GRID2: variants seen among roughly 807,000 people sequenced by gnomAD.
GRID2 encodes glutamate receptor ionotropic, delta-2.
In GRID2, 33 loss-of-function variants were observed where a neutral mutation model predicts 114.8. The observed-to-expected ratio is 0.29, with a 90% CI of 0.22 to 0.38. The LOEUF (loss-of-function observed/expected upper bound fraction) is 0.38, where lower values mean the gene tolerates loss of function less well. Among genes scored for constraint, GRID2 ranks in the 10% least tolerant of loss-of-function variants. GRID2 has a pLI of 1.00. For synonymous variants in GRID2, 505 were observed against 449.9 expected, an observed-to-expected ratio of 1.12 and a Z score of -1.55; for missense variants, 1,184 against 1,257.7, an observed-to-expected ratio of 0.94 and a Z score of 0.89.
At chr4:93,761,498 A>T (rs545396082) in intron 14 of GRID2, among the ~76,000 whole-genome samples, 50 of 152,328 alleles carry the variant, frequency 3.3e-4, no homozygotes, top group Non-Finnish European at 6.6e-4. Flanking sequence ...AGAGTTGAGT[A>T]GTTGTGATGG....
intron 14 of GRID2, among the ~76,000 whole-genome samples, chr4:93,678,003 C>G (rs1725084572): frequency 6.6e-6 from 1 of 151,756 alleles, no homozygotes; most frequent in Non-Finnish European, 1.5e-5. Context: ...AAATTCAAAC[C>G]AAAGGCAAAG....
At chr4:93,020,706 A>G (rs759708310) in intron 2 of GRID2, among the ~76,000 whole-genome samples, 4 of 152,122 alleles carry the variant, frequency 2.6e-5, no homozygotes, top group Non-Finnish European at 4.4e-5. Context: ...TTATTACCCA[A>G]TGTCTATATT....
intron 1 of GRID2, among the ~76,000 whole-genome samples, chr4:92,362,644 A>G (rs1337888964): frequency 6.6e-6 from 1 of 152,026 alleles, no homozygotes. Flanking sequence ...TAAACTAACC[A>G]AAACAAACCT....
intron 2 of GRID2, among the ~76,000 whole-genome samples, chr4:92,991,283 T>C (rs1195948615): frequency 6.6e-6 from 1 of 152,142 alleles, no homozygotes; most frequent in Non-Finnish European, 1.5e-5. Context: ...AAAGGACATA[T>C]ACAGACTATC....
chr4:92,326,992 C>T (rs1726631360), intron 1 of GRID2, among the ~76,000 whole-genome samples: 1 of 151,900 alleles, frequency 6.6e-6, no homozygotes, highest in African/African-American at 2.4e-5. Flanking sequence ...TCACTGTGAT[C>T]CAGGTTACTC....
At chr4:93,142,370 G>A (rs868494837) in intron 4 of GRID2, among the ~76,000 whole-genome samples, 1 of 152,158 alleles carries the variant, frequency 6.6e-6, no homozygotes, top group South Asian at 2.1e-4. Flanking sequence ...CCAAGATCAA[G>A]GTGCTGGAAG....
chr4:93,126,584 CTTTTTTTTTTT>C (rs60017147), intron 4 of GRID2, among the ~76,000 whole-genome samples: 21 of 52,748 alleles, frequency 4.0e-4, no homozygotes, highest in South Asian at 8.2e-4. Flanking sequence ...CTATTTAATT[CTTTTTTTTTTT>C]TTTTTTTTTT....
chr4:93,677,818 A>G (rs565357053), intron 14 of GRID2, among the ~76,000 whole-genome samples: 220 of 152,286 alleles, frequency 1.4e-3, no homozygotes, highest in Admixed American at 3.7e-3. Flanking sequence ...AGATAAAACC[A>G]CAAAGATGGG....
intron 4 of GRID2, among the ~76,000 whole-genome samples, chr4:93,176,322 T>C (rs981297895): frequency 5.9e-5 from 9 of 152,206 alleles, no homozygotes; most frequent in Non-Finnish European, 1.0e-4. Context: ...TTTAATGTGA[T>C]GAGCCTAAAG....
chr4:92,586,069 G>A (rs891065287), intron 1 of GRID2, among the ~76,000 whole-genome samples: 1 of 151,614 alleles, frequency 6.6e-6, no homozygotes, highest in Non-Finnish European at 1.5e-5. Context: ...TGATTCTTGA[G>A]TGTCTAAACT....
rs377543024 is a variant in GRID2, at chr4:92,951,855, A to G, written c.245-133140A>G. The stretch of plus-strand genomic sequence containing the variant: ...TTCAAGTGTTTAATATGTTTTGGAT[A>G]ACAATCTTTTATTAATCTTTTATTC... On this transcript the variant is annotated intron_variant, in intron 2 of 15. Coordinates refer to ENST00000282020, the MANE Select transcript of GRID2 (RefSeq NM_001510.4). Among the ~76,000 whole-genome samples, 27 of 152,308 alleles carry G rather than the reference A, an allele frequency of 1.8e-4. 1 individual carries two copies. The East Asian group carries it at 4.0e-3, about 23-fold the overall frequency.
intron 4 of GRID2, among the ~76,000 whole-genome samples, chr4:93,169,143 TACACACACACACAC>T (rs33953002): frequency 4.2e-4 from 58 of 138,192 alleles, no homozygotes; most frequent in African/African-American, 1.2e-3. Flanking sequence ...CACAATGAAA[TACACACACACACAC>T]ACACACACAC....
chr4:93,208,716 T>G (rs893834349), intron 5 of GRID2, among the ~76,000 whole-genome samples: 1 of 152,024 alleles, frequency 6.6e-6, no homozygotes, highest in African/African-American at 2.4e-5. Context: ...ACAAGTCTGT[T>G]TTTGGTCTGC....
At position 93,205,154 on chromosome 4, in the gene GRID2, T is replaced by C. The variant is rs113712475; in HGVS notation, c.736-2250T>C. 2.5e-3 allele frequency among the ~76,000 whole-genome samples: 376 copies of C among 152,260 alleles called. 2 individuals are homozygous for C. Among genetic ancestry groups the C allele is most frequent in the African/African-American group, 8.5e-3 (355 of 41,576 alleles). ...AATTTTTCATTATTTGTCTCTTAGA[T>C]GTTTAAAGTAAAACAATCAGAAAAT... On this transcript the variant is annotated intron_variant, in intron 4 of 15. Transcript: ENST00000282020.
At chr4:93,562,942 G>A (rs1161403630) in intron 13 of GRID2, among the ~76,000 whole-genome samples, 1 of 151,926 alleles carries the variant, frequency 6.6e-6, no homozygotes, top group Non-Finnish European at 1.5e-5. Flanking sequence ...GTAGCTTTAT[G>A]GTAAGTCTTA....
chr4:93,010,588 A>AT (rs1223885202), intron 2 of GRID2, among the ~76,000 whole-genome samples: 1 of 152,216 alleles, frequency 6.6e-6, no homozygotes, highest in South Asian at 2.1e-4. Flanking sequence ...CTTTCCTTGC[A>AT]TTTTTTAAAA....
intron 8 of GRID2, among the ~76,000 whole-genome samples, chr4:93,350,824 C>T (rs185512862): frequency 6.6e-6 from 1 of 152,016 alleles, no homozygotes; most frequent in African/African-American, 2.4e-5. Flanking sequence ...ATGTTTATCA[C>T]TGTATTAGTC....
At chr4:92,855,518 C>G (rs1744111757) in intron 2 of GRID2, among the ~76,000 whole-genome samples, 1 of 151,862 alleles carries the variant, frequency 6.6e-6, no homozygotes, top group South Asian at 2.1e-4. Context: ...TTACTTAATT[C>G]TAGTCATTCA....
At position 93,455,941 on chromosome 4, in the gene GRID2, A is replaced by G. The variant is rs1723148491; in HGVS notation, c.1825A>G (p.Met609Val). The G allele has an allele frequency of 6.2e-7, 1 of 1,608,902 alleles. No homozygotes were observed. The highest frequency in any genetic ancestry group is 1.7e-5 in the Admixed American group (1 of 59,970). Residue 609 changes from methionine (M) to valine (V), a missense_variant, in exon 11 of 16, where the codon ATG becomes GTG. Physicochemically the swap from Met to Val is conservative, Grantham distance 21 (BLOSUM62 1). Coordinates refer to ENST00000282020, the MANE Select transcript of GRID2 (RefSeq NM_001510.4). ...SMTSTTLYNS[M>V]WFVYGSFVQQ... ...GACGTCTACTACTCTCTACAACTCC[A>G]TGTGGTTTGTGTATGGATCTTTTGT...
Sources: gnomAD v4.1 joint callset for allele counts (sites outside exome capture counted in the v4.1 genomes callset) on GRCh38, gnomAD v4.1.1 for gene constraint, MANE v1.5 for transcripts, NCBI Gene and HGNC (gene_info 2026-07-23, HGNC 2026-07-21) for gene names.